LRRTM4: variants seen among roughly 807,000 people sequenced by gnomAD.
LRRTM4 encodes leucine-rich repeat transmembrane neuronal protein 4.
In LRRTM4, 25 loss-of-function variants were observed where a neutral mutation model predicts 47.6. The observed-to-expected ratio is 0.53, with a 90% CI of 0.38 to 0.73. The LOEUF (loss-of-function observed/expected upper bound fraction) is 0.73, where lower values mean the gene tolerates loss of function less well. Ranked by LOEUF, LRRTM4 falls within the 30% of genes least tolerant of loss-of-function variation. LRRTM4 has a pLI of 0.00. For missense variants in LRRTM4, 638 were observed against 713.4 expected (o/e 0.89, Z 1.20); for synonymous variants, 311 against 269.5 (o/e 1.15, Z -1.51).
intron 3 of LRRTM4, among the ~76,000 whole-genome samples, chr2:77,280,949 G>A (rs1299734856): frequency 1.3e-5 from 2 of 151,850 alleles, no homozygotes; most frequent in Non-Finnish European, 2.9e-5. Context: ...TCCATCCCCT[G>A]TCTGTAGTGT....
At chr2:77,375,236 T>C (rs962612424) in intron 3 of LRRTM4, among the ~76,000 whole-genome samples, 2 of 151,814 alleles carry the variant, frequency 1.3e-5, no homozygotes, top group Non-Finnish European at 1.5e-5. Context: ...ACAGTTAATA[T>C]GATATCCTCC....
chr2:76,819,402 T>C (rs1450653393), intron 3 of LRRTM4, among the ~76,000 whole-genome samples: 2 of 151,608 alleles, frequency 1.3e-5, no homozygotes, highest in South Asian at 2.1e-4. Context: ...GTGGTCAAAA[T>C]AGCAAAACAT....
chr2:76,961,208 G>A (rs1327960573), intron 3 of LRRTM4, among the ~76,000 whole-genome samples: 4 of 151,346 alleles, frequency 2.6e-5, no homozygotes, highest in Non-Finnish European at 4.4e-5. Context: ...TTTATCTGGT[G>A]TCACATGTAA....
At chr2:76,765,895 C>T (rs1475522489) in intron 3 of LRRTM4, among the ~76,000 whole-genome samples, 1 of 152,270 alleles carries the variant, frequency 6.6e-6, no homozygotes, top group East Asian at 1.9e-4. Context: ...GCTGATGAAG[C>T]ATTTTGTGAG....
At chr2:77,040,718 T>C (rs1479916633) in intron 3 of LRRTM4, among the ~76,000 whole-genome samples, 1 of 151,508 alleles carries the variant, frequency 6.6e-6, no homozygotes, top group Non-Finnish European at 1.5e-5. Context: ...ATTTGGAAAC[T>C]AACCAGTCCA....
At chr2:77,482,613 C>T (rs1008802877) in intron 3 of LRRTM4, among the ~76,000 whole-genome samples, 1 of 152,062 alleles carries the variant, frequency 6.6e-6, no homozygotes, top group African/African-American at 2.4e-5. Context: ...AAGACTGGTA[C>T]ATTTTTAGAT....
intron 3 of LRRTM4, among the ~76,000 whole-genome samples, chr2:76,958,415 G>A (rs1202685653): frequency 5.9e-5 from 9 of 151,738 alleles, no homozygotes; most frequent in Admixed American, 1.3e-4. Flanking sequence ...CGCTTGTAAC[G>A]CACCCACCCC....
chr2:77,287,623 C>G (rs1676701155), intron 3 of LRRTM4, among the ~76,000 whole-genome samples: 1 of 152,010 alleles, frequency 6.6e-6, no homozygotes, highest in South Asian at 2.1e-4. Context: ...CCATTTCCCT[C>G]TATCCAGTGC....
intron 3 of LRRTM4, among the ~76,000 whole-genome samples, chr2:77,410,829 T>C (rs1674391375): frequency 6.6e-6 from 1 of 152,150 alleles, no homozygotes; most frequent in Admixed American, 6.5e-5. Context: ...TCTGCATATT[T>C]CTTTAAACCT....
chr2:76,830,307 T>C (rs1192502523), intron 3 of LRRTM4, among the ~76,000 whole-genome samples: 1 of 152,106 alleles, frequency 6.6e-6, no homozygotes, highest in Non-Finnish European at 1.5e-5. Context: ...ACTTTTATCC[T>C]TAATAACTAT....
intron 3 of LRRTM4, among the ~76,000 whole-genome samples, chr2:77,456,992 A>ATGTG (rs372166999): frequency 1.3e-4 from 16 of 123,478 alleles, no homozygotes; most frequent in South Asian, 2.9e-4. Flanking sequence ...ATATTAGTGT[A>ATGTG]TGTGTGTGTG....
intron 3 of LRRTM4, among the ~76,000 whole-genome samples, chr2:77,367,775 G>A (rs1314048412): frequency 6.6e-6 from 1 of 151,742 alleles, no homozygotes; most frequent in African/African-American, 2.4e-5. Context: ...GATTGAGAGA[G>A]GCTCATCCAT....
At chr2:76,956,909 C>T (rs567434587) in intron 3 of LRRTM4, among the ~76,000 whole-genome samples, 1 of 151,348 alleles carries the variant, frequency 6.6e-6, no homozygotes, top group East Asian at 2.0e-4. Context: ...TCTTAGCAGA[C>T]TTATAACTAG....
chr2:76,900,776 T>C (rs980698262), intron 3 of LRRTM4, among the ~76,000 whole-genome samples: 6 of 152,144 alleles, frequency 3.9e-5, no homozygotes, highest in African/African-American at 1.4e-4. Context: ...TTAATCATCT[T>C]CACAAAGAAC....
At chr2:77,306,843 T>C (rs1465019373) in intron 3 of LRRTM4, among the ~76,000 whole-genome samples, 2 of 151,896 alleles carry the variant, frequency 1.3e-5, no homozygotes, top group Non-Finnish European at 2.9e-5. Context: ...TAAAATTAAA[T>C]GCTATTCATT....
intron 3 of LRRTM4, among the ~76,000 whole-genome samples, chr2:77,377,652 C>CT (rs1269015916): frequency 2.0e-5 from 3 of 151,960 alleles, no homozygotes; most frequent in Non-Finnish European, 2.9e-5. Context: ...AATAAGTAAT[C>CT]TATCTACAAA....
At chr2:76,791,331 T>A (rs1674958105) in intron 3 of LRRTM4, among the ~76,000 whole-genome samples, 1 of 152,174 alleles carries the variant, frequency 6.6e-6, no homozygotes, top group South Asian at 2.1e-4. Flanking sequence ...TGAAGACACT[T>A]GCTCCAACAT....
intron 3 of LRRTM4, among the ~76,000 whole-genome samples, chr2:77,055,955 C>G (rs1259427847): frequency 6.7e-6 from 1 of 149,136 alleles, no homozygotes; most frequent in South Asian, 2.1e-4. Context: ...AAACCAAACA[C>G]CGCATATTCT....
chr2:76,812,616 T>G (rs1670765759), intron 3 of LRRTM4, among the ~76,000 whole-genome samples: 2 of 152,078 alleles, frequency 1.3e-5, no homozygotes, highest in Admixed American at 1.3e-4. Flanking sequence ...CTTTAGGTTA[T>G]AGATGGGTTG....
Sources: gnomAD v4.1 joint callset for allele counts (sites outside exome capture counted in the v4.1 genomes callset) on GRCh38, gnomAD v4.1.1 for gene constraint, MANE v1.5 for transcripts, NCBI Gene and HGNC (gene_info 2026-07-23, HGNC 2026-07-21) for gene names.